Variants in SRP54 observed in about 807,000 individuals in gnomAD.
SRP54 encodes signal recognition particle subunit SRP54.
In SRP54, 10 loss-of-function variants were observed where a neutral mutation model predicts 64.8. The ratio of observed to expected loss-of-function variants is 0.15; its 90% CI spans 0.10 to 0.26. SRP54 has a LOEUF of 0.26. Among genes scored for constraint, SRP54 ranks in the 10% least tolerant of loss-of-function variants. SRP54 has a pLI of 1.00. For missense variants in SRP54, 325 were observed against 613.7 expected, an observed-to-expected ratio of 0.53 and a Z score of 4.97; for synonymous variants, 193 against 185.6, an observed-to-expected ratio of 1.04 and a Z score of -0.32.
At chr14:35,013,706 A>C in intron 9 of SRP54, 96 bp from the exon 10 acceptor site, 2 of 1,181,394 alleles carry the variant, frequency 1.7e-6, no homozygotes, top group Non-Finnish European at 1.2e-6. Flanking sequence ...ACCTTTGTCT[A>C]ATTAGCTTTG....
intron 1 of SRP54, among the ~76,000 whole-genome samples, chr14:34,994,262 G>A (rs2044030933): frequency 6.6e-6 from 1 of 152,150 alleles, no homozygotes. Context: ...GCCTCCCAAA[G>A]TGCTGGGATT....
intron 1 of SRP54, among the ~76,000 whole-genome samples, chr14:34,984,753 C>T (rs1254425317): frequency 2.0e-5 from 3 of 152,242 alleles, no homozygotes; most frequent in East Asian, 3.9e-4. Flanking sequence ...CCGCCTGCTT[C>T]GGCCTCCCAA....
chr14:34,991,285 G>A (rs34793309), intron 1 of SRP54, among the ~76,000 whole-genome samples: 68,056 of 148,666 alleles, frequency 0.46, 16,088 homozygotes, highest in East Asian at 0.69. Flanking sequence ...ATCTGCCACC[G>A]CGCCTGGCTA....
intron 14 of SRP54, among the ~76,000 whole-genome samples, chr14:35,024,852 G>A (rs879402787): frequency 6.6e-6 from 1 of 151,836 alleles, no homozygotes; most frequent in Non-Finnish European, 1.5e-5. Flanking sequence ...TCAGTCTCCC[G>A]AGTAGCTGGG....
chr14:35,016,845 C>CTTTTT (rs869140791), intron 11 of SRP54, among the ~76,000 whole-genome samples: 17 of 67,754 alleles, frequency 2.5e-4, no homozygotes, highest in African/African-American at 5.1e-4. Flanking sequence ...TTTTTCTTTT[C>CTTTTT]TTTTTTTTTT....
At chr14:34,993,744 G>T (rs1374007609) in intron 1 of SRP54, among the ~76,000 whole-genome samples, 1 of 150,388 alleles carries the variant, frequency 6.6e-6, no homozygotes, top group Admixed American at 6.6e-5. Flanking sequence ...GCCCAGGCTG[G>T]AGTGCAATGG....
intron 1 of SRP54, among the ~76,000 whole-genome samples, chr14:34,988,034 A>T (rs563256255): frequency 6.6e-6 from 1 of 152,294 alleles, no homozygotes; most frequent in Admixed American, 6.5e-5. Flanking sequence ...CCATATTAAT[A>T]TATACCAGAT....
At chr14:35,015,376 G>A (rs1381997444) in intron 11 of SRP54, among the ~76,000 whole-genome samples, 5 of 148,566 alleles carry the variant, frequency 3.4e-5, no homozygotes, top group African/African-American at 7.4e-5. Flanking sequence ...GTGCTTGGCC[G>A]GTTCCTTGAA....
intron 1 of SRP54, among the ~76,000 whole-genome samples, chr14:34,984,908 C>A (rs2043869692): frequency 7.1e-6 from 1 of 141,518 alleles, no homozygotes. Flanking sequence ...CTTCACCTTC[C>A]TTTTTTTTTT....
chr14:35,002,761 T>TA (rs1338750681), intron 4 of SRP54, among the ~76,000 whole-genome samples: 18 of 87,818 alleles, frequency 2.0e-4, no homozygotes, highest in Admixed American at 6.1e-4. Context: ...TTTTTTTTTT[T>TA]AAGAGACAGT....
chr14:35,028,002 G>A (rs2044661401), intron 14 of SRP54, 86 bp from the exon 15 acceptor site: 2 of 706,468 alleles, frequency 2.8e-6, no homozygotes, highest in South Asian at 2.9e-5. Flanking sequence ...TATTTTCTCA[G>A]TTCATCAAAC....
chr14:34,996,763 C>CAATG lies in SRP54; in HGVS notation c.55_58dup (p.Ala20GlufsTer7). The CAATG allele has an allele frequency of 6.2e-7, 1 of 1,612,116 alleles. No individual in the cohort carries two copies. The highest frequency in any genetic ancestry group is 8.5e-7 in the Non-Finnish European group (1 of 1,178,302). On this transcript the variant is annotated frameshift_variant, in exon 2 of 16. Coordinates refer to ENST00000216774, the MANE Select transcript of SRP54 (RefSeq NM_003136.4). LOFTEE classifies it high-confidence loss of function. Reference sequence around the variant, plus strand: ...TAACATCAGCATTACGCTCGTTGAGCAATGCCACCATTATCAATGAAGAGG... The same window carrying CAATG: ...TAACATCAGCATTACGCTCGTTGAGCAATGAATGCCACCATTATCAATGAAGAGG...
chr14:35,015,990 A>T (rs2044432189), intron 11 of SRP54, among the ~76,000 whole-genome samples: 1 of 152,184 alleles, frequency 6.6e-6, no homozygotes, highest in African/African-American at 2.4e-5. Flanking sequence ...AATATCATTT[A>T]TATTGTTGCC....
chr14:34,990,255 A>G (rs2043959327), intron 1 of SRP54, among the ~76,000 whole-genome samples: 3 of 152,196 alleles, frequency 2.0e-5, no homozygotes, highest in Admixed American at 6.5e-5. Context: ...TCCTCCACAA[A>G]GAGGAATATA....
chr14:35,023,787 A>C (rs1384406071), intron 14 of SRP54, among the ~76,000 whole-genome samples: 1 of 140,264 alleles, frequency 7.1e-6, no homozygotes, highest in Non-Finnish European at 1.5e-5. Context: ...CCGGTCCCCA[A>C]ACACACACAC....
intron 10 of SRP54, 96 bp downstream of exon 10, chr14:35,013,998 C>G (rs2044396795): frequency 1.2e-6 from 1 of 840,088 alleles, no homozygotes; most frequent in East Asian, 2.6e-5. Flanking sequence ...CTAATTTAAG[C>G]ACATCATTTC....
At chr14:34,989,393 G>C (rs1054356408) in intron 1 of SRP54, among the ~76,000 whole-genome samples, 2 of 151,982 alleles carry the variant, frequency 1.3e-5, no homozygotes, top group East Asian at 3.9e-4. Context: ...TGTAATCCTA[G>C]CTGCTCGGGA....
At chr14:35,009,206 T>A (rs924090575) in intron 7 of SRP54, among the ~76,000 whole-genome samples, 16 of 151,628 alleles carry the variant, frequency 1.1e-4, no homozygotes, top group Non-Finnish European at 1.8e-4. Flanking sequence ...CTAATTTTTT[T>A]AAAAACTTTT....
At chr14:34,991,109 CTT>C (rs71435838) in intron 1 of SRP54, among the ~76,000 whole-genome samples, 18,213 of 110,924 alleles carry the variant, frequency 0.16, 1,435 homozygotes, top group East Asian at 0.25. Context: ...AATTTCTTTT[CTT>C]TTTTTTTTTT....
Sources: allele counts gnomAD v4.1 joint callset (sites outside exome capture counted in the v4.1 genomes callset), GRCh38; gene constraint gnomAD v4.1.1; transcripts MANE v1.5; gene names NCBI Gene and HGNC (gene_info 2026-07-23, HGNC 2026-07-21).